The following CYP39A1 variants were observed in gnomAD, a reference collection of about 807,000 sequenced individuals.
The protein encoded by CYP39A1 is 24-hydroxycholesterol 7-alpha-hydroxylase.
CYP39A1 carries 49 observed loss-of-function variants against 58.1 expected under a neutral mutation model. That is an observed-to-expected ratio of 0.84 (90% CI 0.67 to 1.07). The LOEUF (loss-of-function observed/expected upper bound fraction) is 1.07, where lower values mean the gene tolerates loss of function less well. Among genes scored for constraint, CYP39A1 ranks in the 50% least tolerant of loss-of-function variants. The probability of loss-of-function intolerance (pLI) is 0.00; values close to 1 mark genes in which losing one functional copy is unlikely to be tolerated. For missense variants in CYP39A1, 531 were observed against 539.4 expected (o/e 0.98, Z 0.16); for synonymous variants, 209 against 187.6 (o/e 1.11, Z -0.93).
At chr6:46,625,550 A>C (rs770505624) in intron 6 of CYP39A1, 42 bp from the exon 7 acceptor site, 1 of 1,449,662 alleles carries the variant, frequency 6.9e-7, no homozygotes, top group Non-Finnish European at 9.6e-7. Context: ...AACTTCTTTG[A>C]AGGTGAACAA....
chr6:46,576,490 C>T (rs1232564298), intron 10 of CYP39A1, among the ~76,000 whole-genome samples: 1 of 152,172 alleles, frequency 6.6e-6, no homozygotes, highest in Non-Finnish European at 1.5e-5. Flanking sequence ...CTATAGTTCT[C>T]AACCAGCCTG....
chr6:46,608,797 A>G (rs1329859052), intron 7 of CYP39A1, among the ~76,000 whole-genome samples: 1 of 151,896 alleles, frequency 6.6e-6, no homozygotes. Context: ...TATTTTTAGT[A>G]GAGACGGGGT....
intron 10 of CYP39A1, among the ~76,000 whole-genome samples, chr6:46,561,208 C>T (rs1770950857): frequency 6.6e-6 from 1 of 152,128 alleles, no homozygotes; most frequent in African/African-American, 2.4e-5. Flanking sequence ...AATTATAGAA[C>T]AGTTTTGTAG....
At chr6:46,621,929 A>G (rs1020834835) in intron 7 of CYP39A1, among the ~76,000 whole-genome samples, 28 of 152,284 alleles carry the variant, frequency 1.8e-4, no homozygotes, top group Admixed American at 1.5e-3. Context: ...AGCAAACTGA[A>G]TCTAGCAACA....
At chr6:46,616,124 C>CTTTTCT (rs1304995638) in intron 7 of CYP39A1, among the ~76,000 whole-genome samples, 1 of 8,756 alleles carries the variant, frequency 1.1e-4, no homozygotes, top group African/African-American at 2.8e-4. Context: ...TCTTTCTTTT[C>CTTTTCT]TTTCTTTCTT....
intron 5 of CYP39A1, among the ~76,000 whole-genome samples, chr6:46,635,266 C>A (rs530698769): frequency 5.9e-5 from 9 of 152,270 alleles, no homozygotes; most frequent in Admixed American, 1.3e-4. Flanking sequence ...CAGTGCTTTA[C>A]AAAAATTAAA....
intron 10 of CYP39A1, among the ~76,000 whole-genome samples, chr6:46,566,899 C>T (rs1771320412): frequency 6.6e-6 from 1 of 151,916 alleles, no homozygotes; most frequent in African/African-American, 2.4e-5. Context: ...CATATATACA[C>T]ATACACACAC....
intron 10 of CYP39A1, among the ~76,000 whole-genome samples, chr6:46,576,546 G>A (rs1330330449): frequency 6.6e-6 from 1 of 152,146 alleles, no homozygotes; most frequent in Non-Finnish European, 1.5e-5. Context: ...TGGATGGCAA[G>A]GAAGCTCATC....
At chr6:46,574,956 G>T (rs1051665709) in intron 10 of CYP39A1, among the ~76,000 whole-genome samples, 18 of 151,976 alleles carry the variant, frequency 1.2e-4, no homozygotes, top group African/African-American at 3.4e-4. Flanking sequence ...TGGAAAGAAG[G>T]CATGGAGAGT....
chr6:46,566,248 T>G (rs148997454), intron 10 of CYP39A1, among the ~76,000 whole-genome samples: 1 of 152,190 alleles, frequency 6.6e-6, no homozygotes, highest in African/African-American at 2.4e-5. Flanking sequence ...GCTAATAGTT[T>G]GGCTATCTCT....
At chr6:46,556,577 GT>G (rs1232410905) in intron 10 of CYP39A1, among the ~76,000 whole-genome samples, 1 of 152,106 alleles carries the variant, frequency 6.6e-6, no homozygotes, top group Non-Finnish European at 1.5e-5. Flanking sequence ...TGGAGGCTGT[GT>G]TCACACAAGA....
At chr6:46,642,757 G>C (rs566970669) in intron 1 of CYP39A1, among the ~76,000 whole-genome samples, 38 of 152,224 alleles carry the variant, frequency 2.5e-4, no homozygotes, top group Middle Eastern at 3.4e-3. Flanking sequence ...TTTCTAATCT[G>C]TTCACTTTCC....
chr6:46,565,585 T>C (rs961711148), intron 10 of CYP39A1, among the ~76,000 whole-genome samples: 39 of 152,204 alleles, frequency 2.6e-4, no homozygotes, highest in African/African-American at 8.9e-4. Context: ...TATGTAACAA[T>C]GTTGTGAGTT....
At chr6:46,650,014 G>A (rs991900661) in intron 1 of CYP39A1, among the ~76,000 whole-genome samples, 6 of 151,838 alleles carry the variant, frequency 4.0e-5, no homozygotes, top group Admixed American at 6.6e-5. Flanking sequence ...ATGCAATTTC[G>A]CATCAAGTCT....
intron 5 of CYP39A1, among the ~76,000 whole-genome samples, chr6:46,632,472 T>C (rs1476167323): frequency 2.6e-5 from 4 of 152,108 alleles, no homozygotes; most frequent in African/African-American, 9.7e-5. Context: ...CAGGTTTTTT[T>C]TTTTTCTTAG....
At chr6:46,626,192 C>T (rs917158475) in intron 6 of CYP39A1, among the ~76,000 whole-genome samples, 1 of 152,008 alleles carries the variant, frequency 6.6e-6, no homozygotes, top group African/African-American at 2.4e-5. Context: ...TATCTTTCCT[C>T]GTTGTGGTAT....
At chr6:46,616,109 CTTTCTCTTTCTTT>C (rs1251667861) in intron 7 of CYP39A1, among the ~76,000 whole-genome samples, 1 of 124,906 alleles carries the variant, frequency 8.0e-6, no homozygotes, top group South Asian at 2.9e-4. Context: ...TCCTTTCTTT[CTTTCTCTTTCTTT>C]TCTTTCTTTC....
intron 7 of CYP39A1, among the ~76,000 whole-genome samples, chr6:46,608,774 C>T (rs1774008253): frequency 6.6e-6 from 1 of 151,860 alleles, no homozygotes; most frequent in Non-Finnish European, 1.5e-5. Context: ...GCCACAAACC[C>T]GGCTAATTTA....
chr6:46,566,059 C>A (rs2150489050), intron 10 of CYP39A1, among the ~76,000 whole-genome samples: 3 of 152,276 alleles, frequency 2.0e-5, no homozygotes, highest in Admixed American at 2.0e-4. Flanking sequence ...AACTGGAGAA[C>A]CTCAGCCCTT....
Sources: allele counts gnomAD v4.1 joint callset (sites outside exome capture counted in the v4.1 genomes callset), GRCh38; gene constraint gnomAD v4.1.1; transcripts MANE v1.5; gene names NCBI Gene and HGNC (gene_info 2026-07-23, HGNC 2026-07-21).